The following TSBP1 variants were observed in gnomAD, a reference collection of about 807,000 sequenced individuals.
TSBP1 encodes the protein testis-expressed basic protein 1.
In TSBP1, 56 loss-of-function variants were observed where a neutral mutation model predicts 68.8. That is an observed-to-expected ratio of 0.81 (90% CI 0.66 to 1.02). The LOEUF (loss-of-function observed/expected upper bound fraction) is 1.02. Ranked by LOEUF, TSBP1 falls within the 50% of genes least tolerant of loss-of-function variation. The pLI, the probability that TSBP1 is intolerant of heterozygous loss-of-function variation, is 0.00. For synonymous variants in TSBP1, 171 were observed against 208.7 expected, an observed-to-expected ratio of 0.82 and a Z score of 1.56; for missense variants, 502 against 641.2, an observed-to-expected ratio of 0.78 and a Z score of 2.34.
intron 19 of TSBP1, among the ~76,000 whole-genome samples, chr6:32,310,388 C>T (rs1766260480): frequency 6.6e-6 from 1 of 151,900 alleles, no homozygotes; most frequent in South Asian, 2.1e-4. Flanking sequence ...AAAATTATTA[C>T]CTGACATTTA....
At position 32,293,495 on chromosome 6, in the gene TSBP1, C is replaced by T. The variant is rs758772509; in HGVS notation, c.1178G>A (p.Gly393Glu). ...CCTCTTCTTTACCTGGGCTTCCTGT[C>T]CCTTTGAGACACCAGACTGACTCTT... is the stretch of plus-strand genomic sequence containing the variant. Residue 393 changes from glycine to glutamate, a missense_variant, in exon 23 of 23, where the codon GGA (glycine) becomes GAA (glutamate). Gly to Glu is a moderately conservative substitution (Grantham distance 98). Coordinates refer to ENST00000612031, the Ensembl canonical transcript of TSBP1. 5 of 1,610,782 alleles carry T rather than the reference C, an allele frequency of 3.1e-6. No homozygotes were observed. In the South Asian group the frequency reaches 5.5e-5, roughly 18 times the overall value.
chr6:32,329,826 T>A lies in TSBP1; in HGVS notation c.514+763A>T, dbSNP rs117211055. Among the ~76,000 whole-genome samples the A allele has an allele frequency of 6.7e-3, 1,015 of 152,312 alleles. 17 individuals are homozygous for A. The highest frequency in any genetic ancestry group is 0.02 in the East Asian group (102 of 5,186). ...CTAATGCTATCCCTTAATTTCTAGATTCAGAATTTCCCGTGTCCTGGGGTT... is the reference window on the plus strand; with the variant it reads ...CTAATGCTATCCCTTAATTTCTAGAATCAGAATTTCCCGTGTCCTGGGGTT... On this transcript the variant is annotated intron_variant, in intron 16 of 22. Coordinates refer to ENST00000612031, the Ensembl canonical transcript of TSBP1.
At chr6:32,371,395 G>A (rs1490777741) in intron 1 of TSBP1, among the ~76,000 whole-genome samples, 2 of 152,144 alleles carry the variant, frequency 1.3e-5, no homozygotes, top group African/African-American at 4.8e-5. Flanking sequence ...GCTACAGGAA[G>A]TGAGATAATG....
chr6:32,341,848 A>G (rs997974620), intron 9 of TSBP1, among the ~76,000 whole-genome samples: 1 of 152,190 alleles, frequency 6.6e-6, no homozygotes, highest in Admixed American at 6.6e-5. Context: ...TGAACAAGAA[A>G]CAACTTTGCT....
intron 9 of TSBP1, among the ~76,000 whole-genome samples, chr6:32,344,257 TC>T (rs1384122151): frequency 3.1e-5 from 1 of 32,342 alleles, no homozygotes; most frequent in Non-Finnish European, 5.8e-5. Context: ...CCCTCCCCCC[TC>T]CCCCCACCCC....
intron 16 of TSBP1, among the ~76,000 whole-genome samples, chr6:32,327,368 T>C (rs138356490): frequency 6.6e-6 from 1 of 152,222 alleles, no homozygotes; most frequent in African/African-American, 2.4e-5. Flanking sequence ...ACCAAGTGAA[T>C]TCAGTTCTCC....
intron 16 of TSBP1, among the ~76,000 whole-genome samples, chr6:32,326,594 A>G (rs555886097): frequency 6.6e-6 from 1 of 152,348 alleles, no homozygotes; most frequent in Admixed American, 6.5e-5. Context: ...TTGGCTTAAG[A>G]TATGTTAGAC....
rs192786386 is a variant in TSBP1 at position 32,343,065 on chromosome 6, G to T, written c.350-3427C>A. Among the ~76,000 whole-genome samples the T allele has an allele frequency of 3.1e-4, 47 of 152,274 alleles. No homozygotes were observed. In the East Asian group the frequency reaches 5.8e-3, roughly 19 times the overall value. Reference sequence around the variant, plus strand: ...TTAGAGAGGGGGAAATGTGAGAAAGGTGGGCATGATCCAGTTAAGATGGCT... The same window carrying T: ...TTAGAGAGGGGGAAATGTGAGAAAGTTGGGCATGATCCAGTTAAGATGGCT... On this transcript the variant is annotated intron_variant, in intron 9 of 22. Coordinates refer to ENST00000612031, the Ensembl canonical transcript of TSBP1. This position sits in a 1 kb window ranked among gnomAD's most constrained non-coding sequence, Gnocchi z 4.3.
At chr6:32,296,711 A>G (rs1293647723) in intron 22 of TSBP1, among the ~76,000 whole-genome samples, 1 of 152,144 alleles carries the variant, frequency 6.6e-6, no homozygotes, top group African/African-American at 2.4e-5. Context: ...AGCTATGAAT[A>G]TTTTTAGTTT....
At chr6:32,323,414 A>G in intron 17 of TSBP1, 177 bp downstream of exon 18, 1 of 727,756 alleles carries the variant, frequency 1.4e-6, no homozygotes. Context: ...AATTATGTAA[A>G]TATAACTTCT....
rs761948715 is a variant in TSBP1, at chr6:32,295,263, G to C, written c.638-1228C>G. 3.0e-4 allele frequency among the ~76,000 whole-genome samples: 46 copies of C among 151,116 alleles called. 1 individual carries two copies. Among genetic ancestry groups the C allele is most frequent in the Middle Eastern group, 3.4e-3 (1 of 294 alleles). ...AGGCAGGAGAATCGCTTGAACCCGG[G>C]AGGCAGGGGTTGCAGTGGGCTGGGA... is the stretch of plus-strand genomic sequence containing the variant. On this transcript the variant is annotated intron_variant, in intron 22 of 22. Coordinates refer to ENST00000612031, the Ensembl canonical transcript of TSBP1.
intron 17 of TSBP1, 137 bp downstream of exon 18, chr6:32,323,454 G>C (rs1009353434): frequency 1.3e-6 from 1 of 793,006 alleles, no homozygotes; most frequent in Non-Finnish European, 2.2e-6. Flanking sequence ...TGAGCAGAAG[G>C]CAGAGGAAAC....
At chr6:32,341,061 G>T (rs2127613469) in intron 9 of TSBP1, among the ~76,000 whole-genome samples, 1 of 152,312 alleles carries the variant, frequency 6.6e-6, no homozygotes. Flanking sequence ...CTCCCAAAGT[G>T]CTGGGATTAC....
intron 16 of TSBP1, among the ~76,000 whole-genome samples, chr6:32,328,943 T>C (rs1768594418): frequency 6.6e-6 from 1 of 152,198 alleles, no homozygotes; most frequent in African/African-American, 2.4e-5. Context: ...TTATGTCATA[T>C]ATGGCATAGT....
At chr6:32,360,192 C>T (rs9268315) in intron 6 of TSBP1, among the ~76,000 whole-genome samples, 44,221 of 151,872 alleles carry the variant, frequency 0.29, 7,469 homozygotes, top group African/African-American at 0.44. Flanking sequence ...CCATTTCTTC[C>T]ACCCCCTAAC....
chr6:32,352,585 A>G (rs1202260543), intron 8 of TSBP1, among the ~76,000 whole-genome samples: 1 of 152,000 alleles, frequency 6.6e-6, no homozygotes, highest in African/African-American at 2.4e-5. Flanking sequence ...TTCACAATAT[A>G]AAATGAACTA....
intron 22 of TSBP1, among the ~76,000 whole-genome samples, chr6:32,295,354 A>C (rs1439057375): frequency 0.1 from 12,465 of 121,958 alleles, 604 homozygotes; most frequent in African/African-American, 0.18. Context: ...ACACACAAAA[A>C]AAAAAAAAAA....
chr6:32,329,383 T>C (rs1300765447), intron 16 of TSBP1, among the ~76,000 whole-genome samples: 1 of 152,152 alleles, frequency 6.6e-6, no homozygotes, highest in Admixed American at 6.6e-5. Flanking sequence ...TTATCCTCCC[T>C]GTAATAATTA....
rs944306260 is a variant in TSBP1, at chr6:32,361,696, T to A, written c.217+4471A>T. ...TCTTCTTTTAAGAATTGTCTGTTCA[T>A]GGACTAAGGTTCATGAACAGATATG... On this transcript the variant is annotated intron_variant, in intron 6 of 22. Coordinates refer to ENST00000612031, the Ensembl canonical transcript of TSBP1. This position sits in a 1 kb window ranked among gnomAD's most constrained non-coding sequence, Gnocchi z 4.3. 6.6e-6 allele frequency among the ~76,000 whole-genome samples: 1 copy of A among 152,202 alleles called. No individual in the cohort carries two copies. Among genetic ancestry groups the A allele is most frequent in the African/African-American group, 2.4e-5 (1 of 41,448 alleles).
Sources: allele counts gnomAD v4.1 joint callset (sites outside exome capture counted in the v4.1 genomes callset), GRCh38; gene constraint gnomAD v4.1.1; non-coding constraint Gnocchi (gnomAD v3.1); transcripts MANE v1.5; gene names NCBI Gene and HGNC (gene_info 2026-07-23, HGNC 2026-07-21).